Variants in GDI2 observed in about 807,000 individuals in gnomAD.
GDI2 encodes GDP dissociation inhibitor 2, also known as rab GDP dissociation inhibitor beta.
GDI2 carries 22 observed loss-of-function variants against 54.2 expected under a neutral mutation model. That is an observed-to-expected ratio of 0.41 (90% confidence interval 0.29 to 0.58). The LOEUF (loss-of-function observed/expected upper bound fraction) is 0.58, where lower values mean the gene tolerates loss of function less well. Ranked by LOEUF, GDI2 falls within the 20% of genes least tolerant of loss-of-function variation. The pLI is 0.35. For missense variants in GDI2, 422 were observed against 546.0 expected (o/e 0.77, Z 2.26); for synonymous variants, 177 against 182.1 (o/e 0.97, Z 0.23).
intron 7 of GDI2, among the ~76,000 whole-genome samples, chr10:5,771,556 TAA>T (rs1007246159): frequency 2.6e-5 from 4 of 151,818 alleles, no homozygotes; most frequent in African/African-American, 9.7e-5. Context: ...TGAAATGGTG[TAA>T]AAAAGTCTGT....
Position 5,800,684 on chromosome 10 carries a change from T to C in GDI2, c.67A>G (p.Met23Val), listed in dbSNP as rs1841249593. The C allele has an allele frequency of 1.3e-6, 2 of 1,571,226 alleles. No individual in the cohort carries two copies. Among genetic ancestry groups the C allele is most frequent in the South Asian group, 2.2e-5 (2 of 90,264 alleles). ...AGAACTTTCTTGCCATTCACTGACA[T>C]TATACCTGACAGGATACATTCCTAT... ...GLTECILSGI[M>V]SVNGKKVLHM... is the part of the protein sequence containing the mutation. The change falls in exon 2 of 11, where the codon ATG (methionine) becomes GTG (valine). Residue 23 changes from methionine (M) to valine (V), a missense_variant. Transcript: ENST00000380191.
chr10:5,776,516 A>T lies in GDI2; in HGVS notation c.720-2575T>A. The T allele has an allele frequency of 7.0e-7, 1 of 1,426,336 alleles. No homozygotes were observed. The highest frequency in any genetic ancestry group is 1.4e-5 in the African/African-American group (1 of 71,186). 88.4% of individuals were successfully genotyped at this position (1,426,336 alleles called of 1,614,324 possible). Reference sequence around the variant, plus strand: ...GAAGCAAAGGCCCGAAAGATAAAACAATTATAGAGAAGCAGATTTGAAGAG... The same window carrying T: ...GAAGCAAAGGCCCGAAAGATAAAACTATTATAGAGAAGCAGATTTGAAGAG... On this transcript the variant is annotated intron_variant, in intron 6 of 10. Transcript: ENST00000380191. This position sits in a 1 kb window ranked among gnomAD's most constrained non-coding sequence, Gnocchi z 5.3.
chr10:5,794,082 T>G (rs1841077404), intron 4 of GDI2, among the ~76,000 whole-genome samples: 1 of 150,092 alleles, frequency 6.7e-6, no homozygotes, highest in South Asian at 2.1e-4. Context: ...GAGAATCGCT[T>G]GAACCTGGGA....
rs535990579 is a variant in GDI2 at position 5,791,878 on chromosome 10, C to T, written c.388+3007G>A. On this transcript the variant is annotated intron_variant, in intron 4 of 10. Coordinates refer to ENST00000380191, the MANE Select transcript of GDI2 (RefSeq NM_001494.4). ...TTGCAGTGAGCCAAAATTGTGCCAC[C>T]GCACTCTAGCCTGGGGGACAAAGAA... Among the ~76,000 whole-genome samples, 4 of 151,976 alleles carry T rather than the reference C, an allele frequency of 2.6e-5. No individual in the cohort carries two copies. In the South Asian group the frequency reaches 6.2e-4, roughly 24 times the overall value.
intron 4 of GDI2, among the ~76,000 whole-genome samples, chr10:5,786,640 A>G (rs551092650): frequency 1.3e-5 from 2 of 152,338 alleles, no homozygotes; most frequent in South Asian, 4.1e-4. Context: ...TATGTTTCTT[A>G]CTAGGTACAA....
rs1386524184 is a variant in GDI2, at chr10:5,773,712, T to C, written c.819+130A>G. 4 of 627,578 alleles carry C rather than the reference T, an allele frequency of 6.4e-6. No homozygotes were observed. The Admixed American group carries it at 1.3e-4, about 20-fold the overall frequency. The allele number at this position is 627,578 out of a possible 1,614,324, so 38.9% of individuals were successfully genotyped here. A position where few individuals can be genotyped will look rare whatever the true frequency, so the allele number is the denominator to read the frequency against. On this transcript the variant is annotated intron_variant, in intron 7 of 10. Coordinates refer to ENST00000380191, the MANE Select transcript of GDI2 (RefSeq NM_001494.4). The stretch of plus-strand genomic sequence containing the variant: ...AAGCACAGCAACTGTAATTAGTCCT[T>C]AGTCACAATAAATACTAACTTCCCA...
rs752074817 is a variant in GDI2 at position 5,785,961 on chromosome 10, C to T, written c.478G>A (p.Gly160Ser). 6.2e-7 allele frequency: 1 copy of T among 1,612,156 alleles called. No homozygotes were observed. Among genetic ancestry groups the T allele is most frequent in the South Asian group, 1.1e-5 (1 of 91,036 alleles). ...ATTGTGGTCTTCTTAGGATCAATGCCTTCAAAAGTTCTTGGATCTTTTTCA... is the reference window on the plus strand; with the variant it reads ...ATTGTGGTCTTCTTAGGATCAATGCTTTCAAAAGTTCTTGGATCTTTTTCA... ...FDEKDPRTFE[G>S]IDPKKTTMRD... Residue 160 changes from glycine to serine, a missense_variant, in exon 5 of 11, where the codon GGC (glycine) becomes AGC (serine). Physicochemically the swap from Gly to Ser is moderately conservative, Grantham distance 56. Transcript: ENST00000380191.
At chr10:5,788,171 A>G (rs920138354) in intron 4 of GDI2, among the ~76,000 whole-genome samples, 7 of 151,778 alleles carry the variant, frequency 4.6e-5, no homozygotes, top group Non-Finnish European at 7.4e-5. Flanking sequence ...GTTCAAATCA[A>G]TAACGTGTTT....
chr10:5,771,029 TG>T (rs1482429091), intron 7 of GDI2, among the ~76,000 whole-genome samples: 11 of 89,574 alleles, frequency 1.2e-4, no homozygotes, highest in Non-Finnish European at 1.9e-4. Flanking sequence ...AAAAAAAAAA[TG>T]GAGGGAAAAA....
chr10:5,765,833 C>T lies in GDI2; in HGVS notation c.*173G>A. On this transcript the variant is annotated 3_prime_UTR_variant, in exon 11 of 11. Coordinates refer to ENST00000380191, the MANE Select transcript of GDI2 (RefSeq NM_001494.4). ...GGTAACTGCCAATGCTGAATAGCCACTCCATGAAAACAAGTTAATAATTAG... is the reference window on the plus strand; with the variant it reads ...GGTAACTGCCAATGCTGAATAGCCATTCCATGAAAACAAGTTAATAATTAG... 1 of 536,482 alleles carries T rather than the reference C, an allele frequency of 1.9e-6. No individual in the cohort carries two copies. The allele number at this position is 536,482 out of a possible 1,614,324, so 33.2% of individuals were successfully genotyped here. A position where few individuals can be genotyped will look rare whatever the true frequency, so the allele number is the denominator to read the frequency against.
At chr10:5,778,375 C>T (rs1034509026) in intron 6 of GDI2, among the ~76,000 whole-genome samples, 4 of 152,166 alleles carry the variant, frequency 2.6e-5, no homozygotes, top group African/African-American at 9.7e-5. Context: ...CGAGGGGCTG[C>T]CTTGTAATTG....
In GDI2 at chr10:5,773,887, G is replaced by C. The variant is rs368138033; in HGVS notation, c.774C>G (p.Ile258Met). 2.6e-6 allele frequency: 4 copies of C among 1,565,786 alleles called. No individual in the cohort carries two copies. The highest frequency in any genetic ancestry group is 1.4e-5 in the African/African-American group (1 of 73,832). ...TYMLNKPIEE[I>M]IVQNGKVIGV... is the part of the protein sequence containing the mutation. ...CAATTACTTTTCCATTCTGTACAAT[G>C]ATTTCTTCAATGGGTTTATTCAGCA... Residue 258 changes from isoleucine (I) to methionine (M), a missense_variant, in exon 7 of 11, where the codon ATC becomes ATG. Physicochemically the swap from Ile to Met is conservative, Grantham distance 10. Transcript: ENST00000380191.
At chr10:5,771,906 A>G (rs1840497194) in intron 7 of GDI2, among the ~76,000 whole-genome samples, 1 of 152,174 alleles carries the variant, frequency 6.6e-6, no homozygotes. Context: ...CCTGGCCAAC[A>G]TGGTGAAACC....
intron 7 of GDI2, among the ~76,000 whole-genome samples, chr10:5,769,589 A>T (rs1840439169): frequency 6.6e-6 from 1 of 152,072 alleles, no homozygotes. Flanking sequence ...AAAAAAAAAA[A>T]ATCGAAGGAC....
chr10:5,800,643 G>A lies in GDI2; in HGVS notation c.108C>T (p.Asn36=). ...NGKKVLHMDR[N]PYYGGESASI... is the part of the protein sequence containing the mutation. ...ATGCACTCTCTCCTCCGTAGTAAGG[G>A]TTTCGATCCATATGAAGAACTTTCT... The change falls in exon 2 of 11, where the codon AAC becomes AAT. Residue 36 remains asparagine (N), a synonymous_variant. Transcript: ENST00000380191. 19 of 1,600,136 alleles carry A rather than the reference G, an allele frequency of 1.2e-5. No homozygotes were observed. Among genetic ancestry groups the A allele is most frequent in the Non-Finnish European group, 1.6e-5 (19 of 1,167,250 alleles).
Position 5,785,407 on chromosome 10 carries a change from C to G in GDI2, c.588-134G>C. 4.5e-6 allele frequency: 3 copies of G among 661,766 alleles called. No homozygotes were observed. In the South Asian group the frequency reaches 5.9e-5, roughly 13 times the overall value. 41.0% of individuals were successfully genotyped at this position (661,766 alleles called of 1,614,324 possible). ...TTTTGTTTTTTGAGACAGGGTCTCA[C>G]TCTGTCGCCCAGACTGGAGTGCAGT... On this transcript the variant is annotated intron_variant, in intron 5 of 10. Coordinates refer to ENST00000380191, the MANE Select transcript of GDI2 (RefSeq NM_001494.4).
intron 1 of GDI2, 50 bp downstream of exon 1, chr10:5,813,164 G>C (rs754232892): frequency 2.0e-5 from 24 of 1,228,290 alleles, no homozygotes; most frequent in Non-Finnish European, 2.4e-5. Context: ...GGAGCCGGGG[G>C]TGCGCCCGCC....
intron 1 of GDI2, chr10:5,811,973 A>G: frequency 1.0e-6 from 1 of 964,468 alleles, no homozygotes; most frequent in Non-Finnish European, 1.4e-6. Context: ...AAAAAAAAAA[A>G]AAAATTGGTT....
chr10:5,798,638 G>C (rs995273215), intron 2 of GDI2, among the ~76,000 whole-genome samples: 5 of 150,768 alleles, frequency 3.3e-5, no homozygotes, highest in Non-Finnish European at 7.4e-5. Flanking sequence ...CATCTGGGGA[G>C]AAAAAAAAGA....
Sources: allele counts gnomAD v4.1 joint callset (sites outside exome capture counted in the v4.1 genomes callset), GRCh38; gene constraint gnomAD v4.1.1; non-coding constraint Gnocchi (gnomAD v3.1); transcripts MANE v1.5; gene names NCBI Gene and HGNC (gene_info 2026-07-23, HGNC 2026-07-21).